ANLN: variants seen among roughly 807,000 people sequenced by gnomAD.
ANLN encodes anillin.
In ANLN, 59 loss-of-function variants were observed where a neutral mutation model predicts 135.1. The ratio of observed to expected loss-of-function variants is 0.44; its 90% CI spans 0.35 to 0.54. The LOEUF is 0.54. Among genes scored for constraint, ANLN ranks in the 20% least tolerant of loss-of-function variants. The probability of loss-of-function intolerance (pLI) is 0.00; values close to 1 mark genes in which losing one functional copy is unlikely to be tolerated. For missense variants in ANLN, 1,182 were observed against 1,340.0 expected, an observed-to-expected ratio of 0.88 and a Z score of 1.84; for synonymous variants, 406 against 456.4, an observed-to-expected ratio of 0.89 and a Z score of 1.41.
chr7:36,411,087 G>T lies in ANLN; in HGVS notation c.1316G>T (p.Arg439Leu), dbSNP rs149506588. The change falls in exon 7 of 24, where the codon CGT becomes CTT. Residue 439 changes from arginine to leucine, a missense_variant. Around this residue, in one of 3 missense-constraint regions of ANLN, gnomAD observed 1,022 missense variants for 1,134.0 expected, o/e 0.90. Transcript: ENST00000265748. ...QERQKELACL[R>L]GRFDKGNIWS... ...CGTCAAAAAGAACTAGCATGTCTTC[G>T]TGGCCGATTTGACAAGGGCAATATA... is the stretch of plus-strand genomic sequence containing the variant. The T allele has an allele frequency of 6.2e-7, 1 of 1,609,598 alleles. No homozygotes were observed. The highest frequency in any genetic ancestry group is 1.3e-5 in the African/African-American group (1 of 74,636).
At chr7:36,441,091 T>C (rs1030526175) in intron 21 of ANLN, among the ~76,000 whole-genome samples, 2 of 152,208 alleles carry the variant, frequency 1.3e-5, no homozygotes, top group Non-Finnish European at 2.9e-5. Context: ...TAGATAGTCT[T>C]GGAAGAGTGT....
chr7:36,401,492 T>C (rs1199225168), intron 3 of ANLN, among the ~76,000 whole-genome samples: 1 of 152,032 alleles, frequency 6.6e-6, no homozygotes, highest in Non-Finnish European at 1.5e-5. Context: ...GCACATGCCA[T>C]CACACCCAGC....
At position 36,453,686 on chromosome 7, in the gene ANLN, G is replaced by A. The variant is rs116795060; in HGVS notation, c.*1086G>A. The A allele has an allele frequency of 9.1e-3, 1,391 of 152,356 alleles. 21 individuals are homozygous for A. Among genetic ancestry groups the A allele is most frequent in the African/African-American group, 0.032 (1,324 of 41,478 alleles). The allele number at this position is 152,356 out of a possible 1,614,324, so 9.4% of individuals were successfully genotyped here. On this transcript the variant is annotated 3_prime_UTR_variant, in exon 24 of 24. Coordinates refer to ENST00000265748, the MANE Select transcript of ANLN (RefSeq NM_018685.5). ...TAAACACTAAATTCTGTCACCTCCT[G>A]TCATTTTATTTTTTATTCATTCAAA...
intron 22 of ANLN, among the ~76,000 whole-genome samples, chr7:36,446,540 G>A (rs1250945110): frequency 6.6e-6 from 1 of 152,184 alleles, no homozygotes; most frequent in Non-Finnish European, 1.5e-5. Flanking sequence ...GTGGGAGCAG[G>A]TACATCACAT....
intron 12 of ANLN, among the ~76,000 whole-genome samples, chr7:36,420,946 G>A (rs1787851934): frequency 6.6e-6 from 1 of 152,050 alleles, no homozygotes; most frequent in African/African-American, 2.4e-5. Context: ...AAACTCATTT[G>A]ATATTGCTGA....
intron 20 of ANLN, among the ~76,000 whole-genome samples, chr7:36,433,014 C>T (rs1167055812): frequency 1.3e-5 from 2 of 152,064 alleles, no homozygotes; most frequent in African/African-American, 4.8e-5. Context: ...TGGGGTCTTG[C>T]TATGTTTTCC....
intron 1 of ANLN, chr7:36,390,350 G>A: frequency 2.3e-6 from 1 of 434,592 alleles, no homozygotes. Flanking sequence ...TCCTGGCGCA[G>A]CAAGAGTGAG....
intron 15 of ANLN, 144 bp downstream of exon 15, chr7:36,424,087 T>G (rs1333265056): frequency 1.1e-6 from 1 of 892,532 alleles, no homozygotes; most frequent in Non-Finnish European, 1.6e-6. Context: ...CATCTTTCAA[T>G]TTGTTGCTTT....
Position 36,396,352 on chromosome 7 carries a change from T to C in ANLN, c.105T>C (p.Thr35=). The change falls in exon 2 of 24, where the codon ACT becomes ACC. Residue 35 remains threonine, a synonymous_variant. Coordinates refer to ENST00000265748, the MANE Select transcript of ANLN (RefSeq NM_018685.5). ...ERPTAAPRSM[T]HAKRARQPLS... ...CCACAGCAGCTCCAAGGTCTATGAC[T>C]CATGCTAAGCGAGCTAGACAGCCAC... 6.2e-7 allele frequency: 1 copy of C among 1,607,886 alleles called. No homozygotes were observed. The highest frequency in any genetic ancestry group is 8.5e-7 in the Non-Finnish European group (1 of 1,175,350).
chr7:36,402,867 T>G (rs1787015608), intron 3 of ANLN, among the ~76,000 whole-genome samples: 1 of 152,190 alleles, frequency 6.6e-6, no homozygotes, highest in Non-Finnish European at 1.5e-5. Context: ...ATACCCTTTA[T>G]ATACTTCTGT....
Position 36,423,853 on chromosome 7 carries a change from C to T in ANLN, c.2513C>T (p.Ala838Val). ...ANYYYLIILK[A>V]GAENMVATPL... The stretch of plus-strand genomic sequence containing the variant: ...TACTATTACTTAATTATACTAAAAG[C>T]AGGAGCTGAAAATATGGTAGCCACA... The change falls in exon 15 of 24, where the codon GCA (alanine) becomes GTA (valine). Residue 838 changes from alanine (A) to valine (V), a missense_variant. Coordinates refer to ENST00000265748, the MANE Select transcript of ANLN (RefSeq NM_018685.5). The T allele has an allele frequency of 2.5e-6, 4 of 1,611,950 alleles. No individual in the cohort carries two copies. The highest frequency in any genetic ancestry group is 3.4e-6 in the Non-Finnish European group (4 of 1,178,982).
Position 36,441,372 on chromosome 7 carries a change from C to T in ANLN, c.2970+2082C>T, listed in dbSNP as rs577073938. Among the ~76,000 whole-genome samples, 51 of 152,288 alleles carry T rather than the reference C, an allele frequency of 3.3e-4. 1 individual carries two copies. The highest frequency in any genetic ancestry group is 1.1e-3 in the African/African-American group (46 of 41,552). ...TAGTAAGAAAGAGCTCTGGATTCCC[C>T]GACATAACTTCTGTCCTCTGCCTAA... On this transcript the variant is annotated intron_variant, in intron 21 of 23. Transcript: ENST00000265748.
At chr7:36,394,612 C>T (rs1786619928) in intron 1 of ANLN, among the ~76,000 whole-genome samples, 1 of 147,460 alleles carries the variant, frequency 6.8e-6, no homozygotes, top group Non-Finnish European at 1.5e-5. Context: ...TTTCAATGAA[C>T]TTTAAATTAG....
intron 20 of ANLN, among the ~76,000 whole-genome samples, chr7:36,431,885 C>T (rs1788346856): frequency 1.3e-5 from 2 of 151,368 alleles, no homozygotes; most frequent in African/African-American, 2.4e-5. Context: ...TTTCTTTTTT[C>T]CCCCCCAGAA....
chr7:36,391,673 A>G (rs1180189691), intron 1 of ANLN, among the ~76,000 whole-genome samples: 2 of 152,222 alleles, frequency 1.3e-5, no homozygotes, highest in Non-Finnish European at 2.9e-5. Flanking sequence ...GAAAGTCAGT[A>G]TAAAATGACT....
chr7:36,424,470 G>C lies in ANLN; in HGVS notation c.2604-75G>C, dbSNP rs1166930579. Reference sequence around the variant, plus strand: ...TTCCTTTACTTAGAGTCTTGTAAGAGTATTTGTAGCATCATTTTTAATGGT... The same window carrying C: ...TTCCTTTACTTAGAGTCTTGTAAGACTATTTGTAGCATCATTTTTAATGGT... On this transcript the variant is annotated intron_variant, in intron 15 of 23. Coordinates refer to ENST00000265748, the MANE Select transcript of ANLN (RefSeq NM_018685.5). The C allele has an allele frequency of 4.9e-6, 6 of 1,213,224 alleles. No individual in the cohort carries two copies. The Admixed American group carries it at 1.0e-4, about 21-fold the overall frequency. 75.2% of individuals were successfully genotyped at this position (1,213,224 alleles called of 1,614,324 possible).
At chr7:36,430,065 G>A (rs908358634) in intron 20 of ANLN, among the ~76,000 whole-genome samples, 34 of 152,192 alleles carry the variant, frequency 2.2e-4, no homozygotes, top group African/African-American at 7.7e-4. Flanking sequence ...TGTTCCAATT[G>A]CCTGGGTTTG....
At chr7:36,441,423 C>G (rs907929667) in intron 21 of ANLN, among the ~76,000 whole-genome samples, 2 of 152,138 alleles carry the variant, frequency 1.3e-5, no homozygotes, top group African/African-American at 4.8e-5. Context: ...TGCCTCTACC[C>G]CCTATAAAAA....
chr7:36,422,128 G>A, intron 13 of ANLN, 136 bp downstream of exon 13: 1 of 1,103,384 alleles, frequency 9.1e-7, no homozygotes, highest in Non-Finnish European at 1.3e-6. Flanking sequence ...TTTTGTTCTT[G>A]TTTTTATAAG....
Sources: gnomAD v4.1 joint callset for allele counts (sites outside exome capture counted in the v4.1 genomes callset) on GRCh38, gnomAD v4.1.1 for gene constraint, gnomAD v4.1.1 regional missense constraint, MANE v1.5 for transcripts, NCBI Gene and HGNC (gene_info 2026-07-23, HGNC 2026-07-21) for gene names.